The following RBMS1 variants were observed in gnomAD, a reference collection of about 807,000 sequenced individuals.
The protein encoded by RBMS1 is RNA binding motif single stranded interacting protein 1.
In RBMS1, 17 loss-of-function variants were observed where a neutral mutation model predicts 62.3. The ratio of observed to expected loss-of-function variants is 0.27; its 90% CI spans 0.19 to 0.41. The LOEUF is 0.41. Ranked by LOEUF, RBMS1 falls within the 10% of genes least tolerant of loss-of-function variation. RBMS1 has a pLI of 1.00. For synonymous variants in RBMS1, 172 were observed against 170.0 expected (o/e 1.01, Z -0.09); for missense variants, 334 against 504.5 (o/e 0.66, Z 3.24).
intron 6 of RBMS1, among the ~76,000 whole-genome samples, chr2:160,294,408 T>C (rs926317746): frequency 6.6e-6 from 1 of 151,828 alleles, no homozygotes. Flanking sequence ...CAGGCCAGAG[T>C]GGAACATGGC....
chr2:160,293,375 T>C (rs1034923276), intron 6 of RBMS1, among the ~76,000 whole-genome samples: 3 of 152,028 alleles, frequency 2.0e-5, no homozygotes, highest in African/African-American at 7.2e-5. Flanking sequence ...ACATAACCAA[T>C]TGGAAAAGTC....
chr2:160,313,212 C>A lies in RBMS1; in HGVS notation c.346G>T (p.Ala116Ser). 6.2e-7 allele frequency: 1 copy of A among 1,613,528 alleles called. No homozygotes were observed. The highest frequency in any genetic ancestry group is 8.5e-7 in the Non-Finnish European group (1 of 1,179,590). Residue 116 changes from alanine (A) to serine (S), a missense_variant, in exon 4 of 14, where the codon GCT becomes TCT. By Grantham distance (99) the Ala-to-Ser change is moderately conservative. Transcript: ENST00000348849. ...GFVDFDSPAA[A>S]QKAVSALKAS... is the part of the protein sequence containing the mutation. Reference sequence around the variant, plus strand: ...TTCAGGGCAGACACAGCTTTTTGAGCTGCTGCAGGGCTGTCAAAGTCGACA... The same window carrying A: ...TTCAGGGCAGACACAGCTTTTTGAGATGCTGCAGGGCTGTCAAAGTCGACA...
intron 10 of RBMS1, among the ~76,000 whole-genome samples, chr2:160,280,715 A>G (rs1688060983): frequency 6.6e-6 from 1 of 152,116 alleles, no homozygotes; most frequent in Admixed American, 6.5e-5. Context: ...TGTTCTCCAT[A>G]TGTATTTTTA....
At chr2:160,328,676 C>T (rs1012683736) in intron 2 of RBMS1, among the ~76,000 whole-genome samples, 1 of 152,084 alleles carries the variant, frequency 6.6e-6, no homozygotes, top group Non-Finnish European at 1.5e-5. Flanking sequence ...CCCAACACCA[C>T]GGAAACAAAA....
At chr2:160,398,521 CTAGGGGTGTGTGAT>C (rs1158565367) in intron 1 of RBMS1, among the ~76,000 whole-genome samples, 4 of 152,148 alleles carry the variant, frequency 2.6e-5, no homozygotes, top group African/African-American at 9.7e-5. Context: ...GTGGTTTTCA[CTAGGGGTGTGTGAT>C]TAGCCATTTA....
At chr2:160,311,214 A>C (rs534425958) in intron 4 of RBMS1, among the ~76,000 whole-genome samples, 7,567 of 59,020 alleles carry the variant, frequency 0.13, 476 homozygotes, top group East Asian at 0.22. Flanking sequence ...AAAAAAATCT[A>C]TCTATCTATC....
chr2:160,406,421 C>T (rs1278851108), intron 1 of RBMS1, among the ~76,000 whole-genome samples: 5 of 152,216 alleles, frequency 3.3e-5, no homozygotes, highest in African/African-American at 4.8e-5. Flanking sequence ...AAGAGAGCCA[C>T]GGTCTGCATG....
intron 1 of RBMS1, among the ~76,000 whole-genome samples, chr2:160,443,486 TC>T (rs907539821): frequency 6.6e-6 from 1 of 152,102 alleles, no homozygotes; most frequent in African/African-American, 2.4e-5. Flanking sequence ...CTGGGCCATC[TC>T]CTGGTGATGA....
At chr2:160,467,472 C>CA (rs1684743585) in intron 1 of RBMS1, among the ~76,000 whole-genome samples, 1 of 152,158 alleles carries the variant, frequency 6.6e-6, no homozygotes, top group Non-Finnish European at 1.5e-5. Context: ...TCCCAAACGT[C>CA]AGAGAGGTTT....
chr2:160,284,562 G>T, intron 9 of RBMS1: 1 of 545,366 alleles, frequency 1.8e-6, no homozygotes. Context: ...TCCAAGGACT[G>T]ACCACTGACA....
chr2:160,481,417 C>T (rs985044620), intron 1 of RBMS1, among the ~76,000 whole-genome samples: 3 of 145,666 alleles, frequency 2.1e-5, no homozygotes, highest in East Asian at 2.0e-4. Context: ...TAAACAGACA[C>T]GAAAAGCAAT....
chr2:160,353,361 G>A (rs1341397283), intron 2 of RBMS1, among the ~76,000 whole-genome samples: 8 of 152,022 alleles, frequency 5.3e-5, no homozygotes, highest in African/African-American at 1.4e-4. Context: ...GCAATGACCA[G>A]CCTCATCCAT....
chr2:160,375,352 G>C (rs901751710), intron 1 of RBMS1, among the ~76,000 whole-genome samples: 1 of 152,168 alleles, frequency 6.6e-6, no homozygotes, highest in Non-Finnish European at 1.5e-5. Context: ...TTAGTCATAA[G>C]TGATTCTAAG....
chr2:160,371,620 C>T (rs1156760488), intron 1 of RBMS1, among the ~76,000 whole-genome samples: 4 of 152,270 alleles, frequency 2.6e-5, no homozygotes, highest in Admixed American at 2.0e-4. Context: ...CAAAGTCACT[C>T]GTGAATAAAG....
chr2:160,293,498 G>C (rs574572719), intron 6 of RBMS1, among the ~76,000 whole-genome samples: 1 of 152,214 alleles, frequency 6.6e-6, no homozygotes, highest in Admixed American at 6.5e-5. Context: ...AGCTGTGAGC[G>C]ATGTGGCAGA....
At chr2:160,419,814 G>GA (rs889366864) in intron 1 of RBMS1, among the ~76,000 whole-genome samples, 12 of 152,106 alleles carry the variant, frequency 7.9e-5, no homozygotes, top group Admixed American at 3.3e-4. Context: ...AAGAAAATGG[G>GA]AAAAAAACCA....
intron 1 of RBMS1, among the ~76,000 whole-genome samples, chr2:160,411,315 CACA>C (rs1696025251): frequency 6.6e-6 from 1 of 152,014 alleles, no homozygotes; most frequent in African/African-American, 2.4e-5. Context: ...GAGTTGAGGC[CACA>C]ACAAGCCAAA....
chr2:160,345,687 T>C (rs757892855), intron 2 of RBMS1, among the ~76,000 whole-genome samples: 36 of 152,114 alleles, frequency 2.4e-4, no homozygotes, highest in Non-Finnish European at 3.7e-4. Flanking sequence ...TAAAATCCCA[T>C]TGAAAAATGT....
intron 2 of RBMS1, among the ~76,000 whole-genome samples, chr2:160,323,494 T>C (rs1188305768): frequency 6.6e-6 from 1 of 151,082 alleles, no homozygotes; most frequent in Non-Finnish European, 1.5e-5. Flanking sequence ...AAATCACTGT[T>C]ACGGAATAGG....
Sources: allele counts gnomAD v4.1 joint callset (sites outside exome capture counted in the v4.1 genomes callset), GRCh38; gene constraint gnomAD v4.1.1; transcripts MANE v1.5; gene names NCBI Gene and HGNC (gene_info 2026-07-23, HGNC 2026-07-21).